The following PAK3 variants were observed in gnomAD, a reference collection of about 807,000 sequenced individuals.
PAK3 encodes p21 (RAC1) activated kinase 3, also known as serine/threonine-protein kinase PAK 3.
Under a neutral mutation model 41.0 loss-of-function variants are expected in PAK3, and 4 were observed. The ratio of observed to expected loss-of-function variants is 0.10; its 90% confidence interval spans 0.05 to 0.22. PAK3 has a LOEUF of 0.22. Among genes scored for constraint, PAK3 ranks in the 10% least tolerant of loss-of-function variants. The probability of loss-of-function intolerance (pLI) is 1.00; values close to 1 mark genes in which losing one functional copy is unlikely to be tolerated. For missense variants in PAK3, 205 were observed against 409.9 expected (o/e 0.50, Z 4.32); for synonymous variants, 146 against 139.6 (o/e 1.05, Z -0.32).
chrX:111,162,832 A>G (rs2094207489), intron 8 of PAK3, 83 bp from the exon 9 acceptor site: 1 of 904,598 alleles, frequency 1.1e-6, no homozygotes, highest in Admixed American at 2.2e-5. Flanking sequence ...ACATGCTTAA[A>G]TATTTCATTT....
chrX:111,149,767 C>A (rs2094000667), intron 7 of PAK3, among the ~76,000 whole-genome samples: 1 of 111,738 alleles, frequency 8.9e-6, no homozygotes. Context: ...TCCTCCTGGG[C>A]CTATGGGCCT....
At chrX:110,976,035 A>G (rs931908047) in intron 1 of PAK3, among the ~76,000 whole-genome samples, 2 of 112,344 alleles carry the variant, frequency 1.8e-5, no homozygotes, top group Non-Finnish European at 1.9e-5. Flanking sequence ...AATACAATTC[A>G]GGACATAGGC....
chrX:111,064,719 C>A (rs754115299), intron 1 of PAK3, among the ~76,000 whole-genome samples: 1 of 112,303 alleles, frequency 8.9e-6, no homozygotes, highest in East Asian at 2.8e-4. Flanking sequence ...TGGTTGATTC[C>A]AAGTCTTTGC....
At chrX:111,217,316 C>T (rs1013308399) in intron 17 of PAK3, among the ~76,000 whole-genome samples, 2 of 111,712 alleles carry the variant, frequency 1.8e-5, no homozygotes, top group Non-Finnish European at 3.8e-5. Flanking sequence ...TAAAGCAGTA[C>T]GTGCCCAGGA....
At chrX:111,160,034 T>A (rs1231291073) in intron 8 of PAK3, among the ~76,000 whole-genome samples, 2 of 111,836 alleles carry the variant, frequency 1.8e-5, no homozygotes, top group Non-Finnish European at 3.8e-5. Flanking sequence ...TTTGATGTAA[T>A]GGTCTATTAA....
intron 10 of PAK3, among the ~76,000 whole-genome samples, chrX:111,172,322 A>G (rs1329397589): frequency 8.9e-6 from 1 of 111,766 alleles, no homozygotes; most frequent in African/African-American, 3.3e-5. Context: ...CAGAATGTTT[A>G]TGAGCCTGAG....
Position 111,192,162 on chromosome X carries a change from C to T in PAK3, c.866C>T (p.Ala289Val). The T allele has an allele frequency of 9.0e-7, 1 of 1,105,509 alleles. No homozygotes were observed. Among genetic ancestry groups the T allele is most frequent in the Non-Finnish European group, 1.2e-6 (1 of 800,021 alleles). 91.1% of individuals were successfully genotyped at this position (1,105,509 alleles called of 1,213,427 possible). ...SGTVYTALDI[A>V]TGQEVAIKQM... The stretch of plus-strand genomic sequence containing the variant: ...ACTGTTTATACAGCACTAGACATTG[C>T]AACAGGACAAGAGGTAAGTGCTAAC... Residue 289 changes from alanine to valine, a missense_variant, in exon 12 of 18, where the codon GCA (alanine) becomes GTA (valine). Around this residue, in one of 5 missense-constraint regions of PAK3, gnomAD observed 42 missense variants for 152.7 expected, o/e 0.28. Transcript: ENST00000372007.
At chrX:110,953,067 G>T (rs764052194) in intron 1 of PAK3, among the ~76,000 whole-genome samples, 31 of 111,742 alleles carry the variant, frequency 2.8e-4, no homozygotes, top group Non-Finnish European at 5.3e-4. Flanking sequence ...AACTATGCTT[G>T]GTGCTTTAAG....
upstream of PAK3, among the ~76,000 whole-genome samples, chrX:111,092,142 C>T (rs1331542443): frequency 8.9e-6 from 1 of 112,098 alleles, no homozygotes; most frequent in Non-Finnish European, 1.9e-5. Flanking sequence ...GGCATTCAGA[C>T]CTCTTTCAGG....
chrX:110,962,837 A>G (rs1004122905), intron 1 of PAK3, among the ~76,000 whole-genome samples: 4 of 112,914 alleles, frequency 3.5e-5, no homozygotes, highest in African/African-American at 1.3e-4. Context: ...AGTATTTATC[A>G]GGAACAGAAG....
At chrX:111,144,217 T>C (rs1242861665) in intron 6 of PAK3, among the ~76,000 whole-genome samples, 1 of 111,673 alleles carries the variant, frequency 9.0e-6, no homozygotes, top group East Asian at 2.8e-4. Context: ...CAAATACTCC[T>C]CTCCCTACTA....
chrX:110,950,819 G>C lies in PAK3; in HGVS notation c.-28+6191G>C, dbSNP rs568653014. Among the ~76,000 whole-genome samples, 28 of 111,365 alleles carry C rather than the reference G, an allele frequency of 2.5e-4. No homozygotes were observed. In the South Asian group the frequency reaches 0.01, roughly 41 times the overall value. On this transcript the variant is annotated intron_variant, in intron 1 of 14. Coordinates refer to the PAK3 transcript ENST00000425146. Reference sequence around the variant, plus strand: ...AGCAATTTTGTCATATAAATTTAAAGTAGTAAAGTTGCTGGTTTGGAGTTT... The same window carrying C: ...AGCAATTTTGTCATATAAATTTAAACTAGTAAAGTTGCTGGTTTGGAGTTT...
At chrX:111,214,825 A>G (rs971165426) in intron 16 of PAK3, among the ~76,000 whole-genome samples, 13 of 111,674 alleles carry the variant, frequency 1.2e-4, no homozygotes, top group Middle Eastern at 4.2e-3. Context: ...AATAGAAGCT[A>G]GAGTAGAGAA....
chrX:111,014,170 T>C (rs964832131), intron 1 of PAK3, among the ~76,000 whole-genome samples: 1 of 112,199 alleles, frequency 8.9e-6, no homozygotes, highest in South Asian at 3.7e-4. Flanking sequence ...CTACACTATA[T>C]GCTACTGGCA....
intron 1 of PAK3, among the ~76,000 whole-genome samples, chrX:111,077,763 C>CGGGT (rs2092799269): frequency 9.0e-6 from 1 of 111,528 alleles, no homozygotes; most frequent in Non-Finnish European, 1.9e-5. Context: ...TGATATTTGA[C>CGGGT]CTATGACCCC....
intron 7 of PAK3, among the ~76,000 whole-genome samples, chrX:111,148,870 T>C (rs772568856): frequency 9.0e-6 from 1 of 110,929 alleles, no homozygotes; most frequent in South Asian, 3.9e-4. Flanking sequence ...CCCTCACATT[T>C]CAGAACCAAT....
At chrX:110,978,465 C>T (rs2091381442) in intron 1 of PAK3, among the ~76,000 whole-genome samples, 2 of 110,377 alleles carry the variant, frequency 1.8e-5, no homozygotes, top group African/African-American at 6.6e-5. Flanking sequence ...CTTATTTAAC[C>T]TATTGATATG....
At chrX:111,072,928 C>T (rs533676607) in intron 1 of PAK3, among the ~76,000 whole-genome samples, 16 of 111,896 alleles carry the variant, frequency 1.4e-4, no homozygotes, top group African/African-American at 5.2e-4. Flanking sequence ...AATTATAGCA[C>T]AGAACTGAAA....
At chrX:111,204,553 T>C (rs1248915110) in intron 16 of PAK3, among the ~76,000 whole-genome samples, 3 of 111,772 alleles carry the variant, frequency 2.7e-5, no homozygotes, top group Non-Finnish European at 5.6e-5. Flanking sequence ...TTTTTGCCAA[T>C]GAAGAATTAT....
Sources: allele counts gnomAD v4.1 joint callset (sites outside exome capture counted in the v4.1 genomes callset), GRCh38; gene constraint gnomAD v4.1.1; regional missense constraint gnomAD v4.1.1; transcripts MANE v1.5; gene names NCBI Gene and HGNC (gene_info 2026-07-23, HGNC 2026-07-21).